Variants in AGBL4 observed in about 807,000 individuals in gnomAD.
AGBL4 encodes the protein cytosolic carboxypeptidase 6.
A neutral mutation model predicts 66.4 loss-of-function variants in AGBL4; 58 were observed. The observed-to-expected ratio is 0.87, with a 90% CI of 0.71 to 1.09. The LOEUF is 1.09. Ranked by LOEUF, AGBL4 falls within the 50% of genes least tolerant of loss-of-function variation. AGBL4 has a pLI of 0.00. For synonymous variants in AGBL4, 234 were observed against 222.9 expected (o/e 1.05, Z -0.44); for missense variants, 579 against 631.0 (o/e 0.92, Z 0.88).
chr1:49,862,079 A>G (rs1056863582), intron 1 of AGBL4, among the ~76,000 whole-genome samples: 18 of 152,188 alleles, frequency 1.2e-4, no homozygotes, highest in African/African-American at 4.3e-4. Flanking sequence ...AAAAATAGAG[A>G]TATGTGACCT....
chr1:48,671,202 C>G (rs4447026), intron 6 of AGBL4, among the ~76,000 whole-genome samples: 6,164 of 152,308 alleles, frequency 0.04, 438 homozygotes, highest in African/African-American at 0.14. Context: ...TCTGTTATGC[C>G]AGCCAGGGTT....
At chr1:49,582,577 A>C (rs1265950974) in intron 3 of AGBL4, among the ~76,000 whole-genome samples, 2 of 152,204 alleles carry the variant, frequency 1.3e-5, no homozygotes, top group Admixed American at 1.3e-4. Flanking sequence ...AGGCCATGCC[A>C]GTCTCACTAG....
intron 4 of AGBL4, among the ~76,000 whole-genome samples, chr1:49,208,537 A>G (rs1265234572): frequency 8.5e-5 from 13 of 152,060 alleles, no homozygotes; most frequent in Admixed American, 8.5e-4. Flanking sequence ...GGAGTTTACC[A>G]CAGCTGCCCC....
At chr1:48,910,645 A>G (rs1402260651) in intron 5 of AGBL4, among the ~76,000 whole-genome samples, 1 of 146,430 alleles carries the variant, frequency 6.8e-6, no homozygotes, top group Non-Finnish European at 1.5e-5. Flanking sequence ...CAGTTCTGAC[A>G]GGCTTTTTTT....
chr1:49,744,154 T>C (rs1196520193), intron 2 of AGBL4, among the ~76,000 whole-genome samples: 1 of 152,108 alleles, frequency 6.6e-6, no homozygotes, highest in Non-Finnish European at 1.5e-5. Context: ...ATGTTAGAGG[T>C]GGCATGTGGA....
chr1:49,925,610 C>A (rs556151889), intron 1 of AGBL4, among the ~76,000 whole-genome samples: 17 of 152,184 alleles, frequency 1.1e-4, no homozygotes, highest in Non-Finnish European at 2.2e-4. Context: ...TCTTGGACAG[C>A]ATCTCTGGAC....
intron 1 of AGBL4, among the ~76,000 whole-genome samples, chr1:49,984,425 AC>A (rs1296129204): frequency 6.6e-6 from 1 of 152,220 alleles, no homozygotes; most frequent in African/African-American, 2.4e-5. Context: ...TTAAGTCTCT[AC>A]CCAGGGTGAA....
intron 1 of AGBL4, among the ~76,000 whole-genome samples, chr1:49,967,220 T>C (rs1233991736): frequency 6.6e-6 from 1 of 152,200 alleles, no homozygotes; most frequent in African/African-American, 2.4e-5. Context: ...AGATGGTATC[T>C]CACTGTGGTT....
intron 6 of AGBL4, among the ~76,000 whole-genome samples, chr1:48,844,567 T>A (rs1277109359): frequency 1.3e-5 from 2 of 152,204 alleles, no homozygotes; most frequent in African/African-American, 4.8e-5. Context: ...ATTCCAGCCA[T>A]TTTTAGTATT....
At chr1:49,047,046 C>A (rs1035302630) in intron 4 of AGBL4, among the ~76,000 whole-genome samples, 1 of 152,212 alleles carries the variant, frequency 6.6e-6, no homozygotes, top group East Asian at 1.9e-4. Flanking sequence ...ACAGATAGAA[C>A]AGAGCATTAT....
intron 3 of AGBL4, among the ~76,000 whole-genome samples, chr1:49,620,527 C>T (rs1645339335): frequency 6.6e-6 from 1 of 152,058 alleles, no homozygotes; most frequent in African/African-American, 2.4e-5. Flanking sequence ...CTGGGAGTGT[C>T]AATTAGTTCA....
chr1:49,094,251 G>A (rs147926983), intron 4 of AGBL4, among the ~76,000 whole-genome samples: 327 of 152,060 alleles, frequency 2.2e-3, no homozygotes, highest in African/African-American at 7.3e-3. Context: ...AGATGTCCAC[G>A]TTCTAATCCC....
chr1:48,857,326 A>G (rs187755911), intron 6 of AGBL4, among the ~76,000 whole-genome samples: 4 of 152,360 alleles, frequency 2.6e-5, no homozygotes, highest in Admixed American at 2.6e-4. Flanking sequence ...CCACATGCAA[A>G]AGAGTAAAGT....
intron 6 of AGBL4, among the ~76,000 whole-genome samples, chr1:48,728,422 A>G (rs1647540388): frequency 6.6e-6 from 1 of 150,486 alleles, no homozygotes; most frequent in Admixed American, 6.6e-5. Flanking sequence ...CTTAAATAAA[A>G]TAGTTTATTT....
At chr1:49,990,734 A>G (rs1659878761) in intron 1 of AGBL4, among the ~76,000 whole-genome samples, 1 of 152,220 alleles carries the variant, frequency 6.6e-6, no homozygotes, top group Non-Finnish European at 1.5e-5. Flanking sequence ...AAGCTATTTA[A>G]CAACACGAGC....
rs543692383 is a variant in AGBL4 at position 48,798,811 on chromosome 1, A to C, written c.634+68380T>G. 3.6e-4 allele frequency among the ~76,000 whole-genome samples: 55 copies of C among 152,272 alleles called. 1 individual carries two copies. The highest frequency in any genetic ancestry group is 1.3e-3 in the African/African-American group (54 of 41,546). On this transcript the variant is annotated intron_variant, in intron 6 of 13. Transcript: ENST00000371839. ...CTTTATGTTCTTGTTCGCTTTGTCA[A>C]AGATCAGTTGGCTATAAGTTTTTGG...
At position 48,779,023 on chromosome 1, in the gene AGBL4, A is replaced by T. The variant is rs1288900269; in HGVS notation, c.634+88168T>A. 2.4e-4 allele frequency among the ~76,000 whole-genome samples: 36 copies of T among 152,206 alleles called. 1 individual carries two copies. Among genetic ancestry groups the T allele is most frequent in the Non-Finnish European group, 2.9e-5 (2 of 68,048 alleles). ...TTGTTCCAGCACATTTACTGTCATG[A>T]TTATGATTTCTTTGGACTGATCCTC... On this transcript the variant is annotated intron_variant, in intron 6 of 13. Coordinates refer to ENST00000371839, the MANE Select transcript of AGBL4 (RefSeq NM_032785.4).
chr1:49,599,773 C>A (rs568812455), intron 3 of AGBL4, among the ~76,000 whole-genome samples: 1 of 152,308 alleles, frequency 6.6e-6, no homozygotes, highest in African/African-American at 2.4e-5. Context: ...TCCCTCTAAA[C>A]AATGCTTTAG....
chr1:48,808,877 A>C lies in AGBL4; in HGVS notation c.634+58314T>G, dbSNP rs1481696220. On this transcript the variant is annotated intron_variant, in intron 6 of 13. Transcript: ENST00000371839. Reference sequence around the variant, plus strand: ...GGACTAAGTGAAGAGCTGCACAGAAAGCTCCTTTTATATCTGGAGCACAGC... The same window carrying C: ...GGACTAAGTGAAGAGCTGCACAGAACGCTCCTTTTATATCTGGAGCACAGC... 2.0e-5 allele frequency among the ~76,000 whole-genome samples: 3 copies of C among 152,236 alleles called. 1 individual carries two copies. The highest frequency in any genetic ancestry group is 7.2e-5 in the African/African-American group (3 of 41,466).
Sources: allele counts gnomAD v4.1 joint callset (sites outside exome capture counted in the v4.1 genomes callset), GRCh38; gene constraint gnomAD v4.1.1; transcripts MANE v1.5; gene names NCBI Gene and HGNC (gene_info 2026-07-23, HGNC 2026-07-21).